FTO: variants seen among roughly 807,000 people sequenced by gnomAD.
FTO encodes FTO alpha-ketoglutarate dependent dioxygenase, also known as alpha-ketoglutarate-dependent dioxygenase FTO.
In FTO, 47 loss-of-function variants were observed where a neutral mutation model predicts 63.9. The ratio of observed to expected loss-of-function variants is 0.74; its 90% CI spans 0.58 to 0.94. The LOEUF is 0.94. Among genes scored for constraint, FTO ranks in the 40% least tolerant of loss-of-function variants. The pLI is 0.00. For synonymous variants in FTO, 207 were observed against 224.4 expected, an observed-to-expected ratio of 0.92 and a Z score of 0.69; for missense variants, 562 against 618.1, an observed-to-expected ratio of 0.91 and a Z score of 0.96.
chr16:53,855,359 T>G (rs957040948), intron 4 of FTO, among the ~76,000 whole-genome samples: 14 of 152,158 alleles, frequency 9.2e-5, no homozygotes, highest in Non-Finnish European at 1.8e-4. Flanking sequence ...TTCTCTTTCT[T>G]AGAATTTTCT....
At chr16:54,061,422 C>T (rs1328961354) in intron 8 of FTO, among the ~76,000 whole-genome samples, 3 of 152,162 alleles carry the variant, frequency 2.0e-5, no homozygotes, top group African/African-American at 7.2e-5. Context: ...TCACAGATTT[C>T]AAGAGAAGCT....
At chr16:54,090,381 G>A (rs1186422036) in intron 8 of FTO, among the ~76,000 whole-genome samples, 1 of 152,142 alleles carries the variant, frequency 6.6e-6, no homozygotes, top group Non-Finnish European at 1.5e-5. Context: ...CTGGGAGAAG[G>A]GAAATGGGGA....
intron 1 of FTO, among the ~76,000 whole-genome samples, chr16:53,712,883 G>T (rs1225633011): frequency 6.6e-6 from 1 of 151,818 alleles, no homozygotes. Flanking sequence ...ATTTACTGTG[G>T]CTGAGTTTAG....
At chr16:53,810,266 A>G (rs1270749628) in intron 2 of FTO, 49 bp downstream of exon 2, 2 of 1,273,078 alleles carry the variant, frequency 1.6e-6, no homozygotes, top group African/African-American at 1.5e-5. Context: ...GTTCTGATCA[A>G]CCTTATTTTA....
chr16:53,831,396 T>G (rs1361432643), intron 3 of FTO, among the ~76,000 whole-genome samples: 7 of 152,302 alleles, frequency 4.6e-5, no homozygotes, highest in African/African-American at 1.7e-4. Flanking sequence ...CATCCAGTTA[T>G]TTATTCATCT....
At chr16:53,831,317 A>G (rs1157661209) in intron 3 of FTO, among the ~76,000 whole-genome samples, 2 of 152,078 alleles carry the variant, frequency 1.3e-5, no homozygotes, top group African/African-American at 4.8e-5. Context: ...CTTGTCAGTG[A>G]TTTTTGAAAT....
chr16:54,006,024 T>A (rs1683726369), intron 8 of FTO, among the ~76,000 whole-genome samples: 1 of 152,204 alleles, frequency 6.6e-6, no homozygotes, highest in Admixed American at 6.5e-5. Context: ...CCCAGAGCAA[T>A]TGATAAATAT....
At chr16:54,059,750 G>A (rs1173023278) in intron 8 of FTO, among the ~76,000 whole-genome samples, 9 of 152,062 alleles carry the variant, frequency 5.9e-5, no homozygotes, top group Admixed American at 3.9e-4. Context: ...TGTTCTTTCC[G>A]GATTTATTAG....
intron 1 of FTO, among the ~76,000 whole-genome samples, chr16:53,738,182 C>T (rs1414096795): frequency 2.6e-5 from 4 of 152,006 alleles, no homozygotes; most frequent in African/African-American, 7.3e-5. Flanking sequence ...GCCACCACGC[C>T]CAGCTAATTT....
chr16:53,820,051 C>T (rs2078813382), intron 2 of FTO, among the ~76,000 whole-genome samples: 1 of 151,300 alleles, frequency 6.6e-6, no homozygotes, highest in Admixed American at 6.6e-5. Flanking sequence ...CTCTGTCACC[C>T]AGGCTGGAGT....
At position 53,882,488 on chromosome 16, in the gene FTO, A is replaced by G. The variant is rs114536853; in HGVS notation, c.1119+2501A>G. On this transcript the variant is annotated intron_variant, in intron 6 of 8. Coordinates refer to ENST00000471389, the MANE Select transcript of FTO (RefSeq NM_001080432.3). ...AAGGACATGAGAAACAGCCATGTGG[A>G]TATCTGGGGAATTGCATTTTGGGCA... 1.9e-3 allele frequency among the ~76,000 whole-genome samples: 285 copies of G among 152,212 alleles called. 2 individuals carry two copies. Among genetic ancestry groups the G allele is most frequent in the African/African-American group, 6.6e-3 (273 of 41,530 alleles).
At chr16:53,932,424 C>G (rs1408369756) in intron 7 of FTO, among the ~76,000 whole-genome samples, 3 of 149,556 alleles carry the variant, frequency 2.0e-5, no homozygotes, top group African/African-American at 7.4e-5. Context: ...GAACCTCACT[C>G]TGTTGCCCAG....
rs2086983531 is a variant in FTO, at chr16:54,117,898, T to G, written c.*5983T>G. 6.6e-6 allele frequency: 1 copy of G among 152,216 alleles called. No individual in the cohort carries two copies. The highest frequency in any genetic ancestry group is 1.5e-5 in the Non-Finnish European group (1 of 68,032). 9.4% of individuals were successfully genotyped at this position (152,216 alleles called of 1,614,324 possible). On this transcript the variant is annotated 3_prime_UTR_variant, in exon 9 of 9. Transcript: ENST00000471389. ...CATTAATTAACCTCCAGCATTAGATTCAGTGATTCTTTTCCAATGATGCAG... is the reference window on the plus strand; with the variant it reads ...CATTAATTAACCTCCAGCATTAGATGCAGTGATTCTTTTCCAATGATGCAG...
chr16:53,840,533 G>A lies in FTO; in HGVS notation c.752-3622G>A, dbSNP rs114661313. 7.3e-3 allele frequency among the ~76,000 whole-genome samples: 1,118 copies of A among 152,264 alleles called. 10 individuals are homozygous for A. Among genetic ancestry groups the A allele is most frequent in the African/African-American group, 0.025 (1,053 of 41,564 alleles). On this transcript the variant is annotated intron_variant, in intron 3 of 8. Coordinates refer to ENST00000471389, the MANE Select transcript of FTO (RefSeq NM_001080432.3). ...TTTTTTTGTAAAGGGCCAGAAACAA[G>A]TACTTTTGGCTTTGTGGGTTTTATA...
chr16:53,740,238 A>G (rs1411598403), intron 1 of FTO, among the ~76,000 whole-genome samples: 2 of 152,196 alleles, frequency 1.3e-5, no homozygotes, highest in Admixed American at 6.5e-5. Context: ...GTGCCCACAA[A>G]GCTGAATATT....
chr16:53,867,159 C>G (rs1310829235), intron 4 of FTO, among the ~76,000 whole-genome samples: 2 of 152,072 alleles, frequency 1.3e-5, no homozygotes, highest in African/African-American at 2.4e-5. Context: ...ATTGTTCTAT[C>G]TCCAAGTATT....
intron 8 of FTO, chr16:53,999,645 G>C (rs2084023333): frequency 6.6e-6 from 1 of 152,216 alleles, no homozygotes; most frequent in Non-Finnish European, 1.5e-5. Flanking sequence ...ATGGATGCTG[G>C]CCAGTAGGCA....
At chr16:53,880,905 T>A (rs1377989168) in intron 6 of FTO, among the ~76,000 whole-genome samples, 1 of 121,738 alleles carries the variant, frequency 8.2e-6, no homozygotes, top group African/African-American at 3.2e-5. Flanking sequence ...ATCGAGACCA[T>A]CCTGGCTAAC....
intron 1 of FTO, chr16:53,711,371 T>G (rs1444320272): frequency 4.3e-5 from 17 of 398,388 alleles, no homozygotes; most frequent in Non-Finnish European, 6.2e-5. Flanking sequence ...ATAAGGAACC[T>G]GATTAAGTGT....
Sources: allele counts gnomAD v4.1 joint callset (sites outside exome capture counted in the v4.1 genomes callset), GRCh38; gene constraint gnomAD v4.1.1; transcripts MANE v1.5; gene names NCBI Gene and HGNC (gene_info 2026-07-23, HGNC 2026-07-21).